TCF4: variants seen among roughly 807,000 people sequenced by gnomAD.
TCF4 encodes the protein transcription factor 4, also known as SL3-3 enhancer factor 2.
A neutral mutation model predicts 82.1 loss-of-function variants in TCF4; 3 were observed. That is an observed-to-expected ratio of 0.04 (90% CI 0.02 to 0.09). The LOEUF (loss-of-function observed/expected upper bound fraction) is 0.09, where lower values mean the gene tolerates loss of function less well. Ranked by LOEUF, TCF4 falls within the 10% of genes least tolerant of loss-of-function variation. The pLI is 1.00. For synonymous variants in TCF4, 276 were observed against 309.6 expected, an observed-to-expected ratio of 0.89 and a Z score of 1.14; for missense variants, 518 against 852.7, an observed-to-expected ratio of 0.61 and a Z score of 4.89.
chr18:55,301,127 A>T (rs1313952122), intron 8 of TCF4, among the ~76,000 whole-genome samples: 2 of 152,106 alleles, frequency 1.3e-5, no homozygotes, highest in Non-Finnish European at 2.9e-5. Flanking sequence ...CCCAATTACA[A>T]GGCAATTAGA....
intron 5 of TCF4, among the ~76,000 whole-genome samples, chr18:55,420,484 T>G (rs2094694450): frequency 6.6e-6 from 1 of 152,214 alleles, no homozygotes; most frequent in Admixed American, 6.5e-5. Context: ...CGAATCACCC[T>G]GAAGTTTTTC....
chr18:55,586,718 G>T (rs1374366450), intron 2 of TCF4, among the ~76,000 whole-genome samples: 1 of 151,998 alleles, frequency 6.6e-6, no homozygotes, highest in African/African-American at 2.4e-5. Flanking sequence ...TCAGTGTTCA[G>T]ACATGGCCAA....
intron 3 of TCF4, among the ~76,000 whole-genome samples, chr18:55,504,115 C>A (rs2096728772): frequency 6.6e-6 from 1 of 152,202 alleles, no homozygotes; most frequent in South Asian, 2.1e-4. Flanking sequence ...GTACTCCTAT[C>A]TCTGCTGCTC....
intron 5 of TCF4, chr18:55,422,583 G>A: frequency 2.0e-6 from 1 of 489,412 alleles, no homozygotes; most frequent in Non-Finnish European, 2.6e-6. Flanking sequence ...AAGAGTTAAA[G>A]ACTCCCTACC....
chr18:55,622,024 CTATA>C (rs1435536479), intron 2 of TCF4, among the ~76,000 whole-genome samples: 8 of 131,382 alleles, frequency 6.1e-5, no homozygotes, highest in African/African-American at 2.3e-4. Context: ...ATTATATACA[CTATA>C]TATTATATAT....
At chr18:55,352,675 C>T (rs2082561114) in intron 6 of TCF4, among the ~76,000 whole-genome samples, 1 of 152,126 alleles carries the variant, frequency 6.6e-6, no homozygotes, top group South Asian at 2.1e-4. Context: ...CATATTAAAA[C>T]ACTACACAAT....
At chr18:55,630,241 G>A (rs2097730317) in intron 2 of TCF4, among the ~76,000 whole-genome samples, 1 of 152,130 alleles carries the variant, frequency 6.6e-6, no homozygotes, top group African/African-American at 2.4e-5. Flanking sequence ...TACTTGAGAA[G>A]AGCGTGCTTT....
chr18:55,458,245 C>T (rs1050037908), intron 5 of TCF4, among the ~76,000 whole-genome samples: 1 of 152,216 alleles, frequency 6.6e-6, no homozygotes, highest in Non-Finnish European at 1.5e-5. Context: ...CCTGATGCGA[C>T]ATCACAGCAG....
At chr18:55,467,632 A>AT (rs1489722658) in intron 3 of TCF4, among the ~76,000 whole-genome samples, 2 of 152,094 alleles carry the variant, frequency 1.3e-5, no homozygotes, top group Admixed American at 1.3e-4. Flanking sequence ...AGCATTCACT[A>AT]TACACCTCCA....
In TCF4 at chr18:55,511,330, T is replaced by TAAAAAAAAAA. The variant is rs751932079; in HGVS notation, c.146-47194_146-47193insTTTTTTTTTT. The stretch of plus-strand genomic sequence containing the variant: ...TAGGTAATAGAGTAATTCCAAAAGT[T>TAAAAAAAAAA]TAAAAAAAAAAAAAAAAAAAGCATT... On this transcript the variant is annotated intron_variant, in intron 3 of 19. Transcript: ENST00000354452. Among the ~76,000 whole-genome samples, 3 of 73,080 alleles carry TAAAAAAAAAA rather than the reference T, an allele frequency of 4.1e-5. 1 individual carries two copies. The highest frequency in any genetic ancestry group is 7.2e-5 in the African/African-American group (2 of 27,776). 47.9% of individuals were successfully genotyped at this position (73,080 alleles called of 152,430 possible).
intron 8 of TCF4, among the ~76,000 whole-genome samples, chr18:55,345,301 A>C (rs1000109201): frequency 6.6e-6 from 1 of 152,048 alleles, no homozygotes; most frequent in African/African-American, 2.4e-5. Flanking sequence ...TTCACAAAAA[A>C]AAAAAAACGC....
intron 8 of TCF4, among the ~76,000 whole-genome samples, chr18:55,310,556 T>C (rs937955824): frequency 6.6e-6 from 1 of 152,158 alleles, no homozygotes; most frequent in Non-Finnish European, 1.5e-5. Context: ...TCAAAATCAC[T>C]TCCGTATCAT....
At chr18:55,324,537 G>T (rs1319422817) in intron 8 of TCF4, among the ~76,000 whole-genome samples, 1 of 152,180 alleles carries the variant, frequency 6.6e-6, no homozygotes, top group Non-Finnish European at 1.5e-5. Context: ...TAATTTTAAA[G>T]AAGTCTTAAT....
chr18:55,498,696 G>T (rs915279416), intron 3 of TCF4, among the ~76,000 whole-genome samples: 1 of 152,154 alleles, frequency 6.6e-6, no homozygotes, highest in Non-Finnish European at 1.5e-5. Flanking sequence ...CTGAACCTCA[G>T]GGGCTCCGTC....
At chr18:55,309,179 C>G (rs544564346) in intron 8 of TCF4, among the ~76,000 whole-genome samples, 39 of 152,060 alleles carry the variant, frequency 2.6e-4, no homozygotes, top group Admixed American at 6.6e-5. Context: ...GTGGCATGAT[C>G]ACAGCTTGCT....
At chr18:55,249,877 G>A (rs868215988) in intron 15 of TCF4, among the ~76,000 whole-genome samples, 2 of 152,142 alleles carry the variant, frequency 1.3e-5, no homozygotes, top group African/African-American at 2.4e-5. Flanking sequence ...TTAAAAAAGC[G>A]GTTAGGTCAT....
At chr18:55,438,029 C>A (rs2147275027) in intron 5 of TCF4, among the ~76,000 whole-genome samples, 1 of 151,978 alleles carries the variant, frequency 6.6e-6, no homozygotes, top group Non-Finnish European at 1.5e-5. Context: ...GGTGAAACCC[C>A]ATCTCTACTA....
At chr18:55,327,194 A>AT (rs1367217592) in intron 8 of TCF4, among the ~76,000 whole-genome samples, 3 of 152,000 alleles carry the variant, frequency 2.0e-5, no homozygotes, top group Non-Finnish European at 4.4e-5. Context: ...ATTATTTTAA[A>AT]TTTTTTTTCA....
At chr18:55,358,530 T>C (rs1256677499) in intron 6 of TCF4, among the ~76,000 whole-genome samples, 1 of 152,226 alleles carries the variant, frequency 6.6e-6, no homozygotes, top group Non-Finnish European at 1.5e-5. Flanking sequence ...AATGTACAGA[T>C]GGGGACATTC....
Sources: allele counts gnomAD v4.1 joint callset (sites outside exome capture counted in the v4.1 genomes callset), GRCh38; gene constraint gnomAD v4.1.1; transcripts MANE v1.5; gene names NCBI Gene and HGNC (gene_info 2026-07-23, HGNC 2026-07-21).